The following COBL variants were observed in gnomAD, a reference collection of about 807,000 sequenced individuals.
COBL encodes cordon-bleu WH2 repeat protein.
Under a neutral mutation model 98.8 loss-of-function variants are expected in COBL, and 51 were observed. The observed-to-expected ratio is 0.52, with a 90% CI of 0.41 to 0.65. The LOEUF is 0.65. COBL is among the 30% of genes least tolerant of loss of function. COBL has a pLI of 0.00. For missense variants in COBL, 1,617 were observed against 1,617.5 expected (o/e 1.00, Z 0.01); for synonymous variants, 634 against 651.7 (o/e 0.97, Z 0.41).
At chr7:51,155,173 T>G (rs527301375) in intron 5 of COBL, among the ~76,000 whole-genome samples, 1 of 152,286 alleles carries the variant, frequency 6.6e-6, no homozygotes, top group African/African-American at 2.4e-5. Context: ...AGAAATGGTT[T>G]TGGACACAGC....
At chr7:51,057,904 C>T (rs2128906325) in intron 7 of COBL, among the ~76,000 whole-genome samples, 1 of 152,318 alleles carries the variant, frequency 6.6e-6, no homozygotes, top group South Asian at 2.1e-4. Context: ...GGCCACACCT[C>T]ACCTCTTCCA....
chr7:51,273,891 G>A (rs1024273798), intron 1 of COBL, among the ~76,000 whole-genome samples: 5 of 151,988 alleles, frequency 3.3e-5, no homozygotes, highest in African/African-American at 7.3e-5. Flanking sequence ...TCATCGAACC[G>A]CCACAGTTCA....
Position 51,267,067 on chromosome 7 carries a change from C to T in COBL, c.42-47123G>A, listed in dbSNP as rs187082652. ...TACCCTCTCAATTTTTAGAAATCTC[C>T]GCTCACCACCACTCTCCCACCGCAT... On this transcript the variant is annotated intron_variant, in intron 1 of 12. Coordinates refer to ENST00000265136, the MANE Select transcript of COBL (RefSeq NM_015198.5). 3.9e-5 allele frequency among the ~76,000 whole-genome samples: 6 copies of T among 152,190 alleles called. No individual in the cohort carries two copies. The East Asian group carries it at 1.2e-3, about 29-fold the overall frequency.
chr7:51,138,720 G>A (rs1251348817), intron 5 of COBL, among the ~76,000 whole-genome samples: 1 of 152,206 alleles, frequency 6.6e-6, no homozygotes, highest in African/African-American at 2.4e-5. Flanking sequence ...ACATTTTGGA[G>A]GATGCTTAAA....
chr7:51,071,333 T>C (rs1792533946), intron 7 of COBL: 1 of 152,224 alleles, frequency 6.6e-6, no homozygotes, highest in Admixed American at 6.5e-5. Flanking sequence ...AAGGCTCTAA[T>C]GTCAGCACAG....
At chr7:51,048,003 C>T (rs1483782140) in intron 7 of COBL, among the ~76,000 whole-genome samples, 3 of 152,156 alleles carry the variant, frequency 2.0e-5, no homozygotes, top group South Asian at 4.2e-4. Context: ...CTTGTCTCTA[C>T]TAAAAATACA....
At chr7:51,111,575 C>G (rs1796824635) in intron 6 of COBL, among the ~76,000 whole-genome samples, 1 of 152,186 alleles carries the variant, frequency 6.6e-6, no homozygotes, top group African/African-American at 2.4e-5. Context: ...ACGGAGTGTC[C>G]TCTCTCGCTG....
chr7:51,179,108 T>C (rs1788685182), intron 5 of COBL, among the ~76,000 whole-genome samples: 1 of 152,218 alleles, frequency 6.6e-6, no homozygotes, highest in Non-Finnish European at 1.5e-5. Flanking sequence ...TTTTGGAGAT[T>C]AGGGCTCCTG....
chr7:51,092,898 T>C (rs1002814564), intron 6 of COBL, among the ~76,000 whole-genome samples: 1 of 152,086 alleles, frequency 6.6e-6, no homozygotes, highest in African/African-American at 2.4e-5. Context: ...TTAATTATTT[T>C]AATCCATGAA....
At chr7:51,120,310 C>T (rs1797634548) in intron 6 of COBL, among the ~76,000 whole-genome samples, 1 of 152,114 alleles carries the variant, frequency 6.6e-6, no homozygotes, top group African/African-American at 2.4e-5. Flanking sequence ...AAAAATGTTT[C>T]AGGCATCAGT....
chr7:51,138,852 T>A (rs1799482664), intron 5 of COBL, among the ~76,000 whole-genome samples: 1 of 152,136 alleles, frequency 6.6e-6, no homozygotes. Context: ...CAACCACATA[T>A]CTAATTGCTT....
chr7:51,182,659 AAG>A (rs1789098051), intron 5 of COBL, among the ~76,000 whole-genome samples: 3 of 134,284 alleles, frequency 2.2e-5, no homozygotes, highest in South Asian at 5.4e-4. Context: ...AGTAGGGGGG[AAG>A]AGAGGGGGAG....
At chr7:51,165,101 A>G (rs1787175298) in intron 5 of COBL, among the ~76,000 whole-genome samples, 3 of 152,004 alleles carry the variant, frequency 2.0e-5, no homozygotes, top group Middle Eastern at 3.2e-3. Flanking sequence ...AACAGATAAC[A>G]AAATAACAGG....
At chr7:51,100,933 A>C (rs112544702) in intron 6 of COBL, among the ~76,000 whole-genome samples, 12,986 of 150,878 alleles carry the variant, frequency 0.086, 767 homozygotes, top group South Asian at 0.12. Flanking sequence ...ACAACAACAA[A>C]AAAAAACGCA....
At chr7:51,182,662 A>T (rs982165614) in intron 5 of COBL, among the ~76,000 whole-genome samples, 1 of 147,670 alleles carries the variant, frequency 6.8e-6, no homozygotes, top group African/African-American at 2.5e-5. Context: ...AGGGGGGAAG[A>T]GAGGGGGAGA....
intron 1 of COBL, among the ~76,000 whole-genome samples, chr7:51,263,972 T>C (rs1313827137): frequency 6.6e-6 from 1 of 152,218 alleles, no homozygotes; most frequent in African/African-American, 2.4e-5. Context: ...CTAGTTTTCA[T>C]GACAGCTCAC....
chr7:51,085,163 C>G lies in COBL; in HGVS notation c.1096+3G>C. ...TGCAGACGGCAGGCCGAGCCTCACTCACCCATCGTGCTCTTCCTGTTCTCC... is the reference window on the plus strand; with the variant it reads ...TGCAGACGGCAGGCCGAGCCTCACTGACCCATCGTGCTCTTCCTGTTCTCC... On this transcript the variant is annotated splice_donor_region_variant and intron_variant, in intron 7 of 12. Coordinates refer to ENST00000265136, the MANE Select transcript of COBL (RefSeq NM_015198.5). The G allele has an allele frequency of 1.9e-6, 3 of 1,613,824 alleles. No homozygotes were observed. The highest frequency in any genetic ancestry group is 2.5e-6 in the Non-Finnish European group (3 of 1,179,972).
intron 1 of COBL, among the ~76,000 whole-genome samples, chr7:51,272,041 A>C (rs1798807738): frequency 6.6e-6 from 1 of 152,192 alleles, no homozygotes; most frequent in Admixed American, 6.5e-5. Context: ...TAAATAAATA[A>C]ATAAACAAAC....
chr7:51,231,763 G>A (rs546381480), intron 1 of COBL, among the ~76,000 whole-genome samples: 2 of 152,296 alleles, frequency 1.3e-5, no homozygotes, highest in South Asian at 2.1e-4. Context: ...GGGCTCACAA[G>A]GCAGAAGCTG....
Sources: gnomAD v4.1 joint callset for allele counts (sites outside exome capture counted in the v4.1 genomes callset) on GRCh38, gnomAD v4.1.1 for gene constraint, MANE v1.5 for transcripts, NCBI Gene and HGNC (gene_info 2026-07-23, HGNC 2026-07-21) for gene names.